Variants in ZNF83 observed in about 807,000 individuals in gnomAD.
ZNF83 encodes the protein zinc finger protein 816B.
For synonymous variants in ZNF83, 209 were observed against 213.0 expected, an observed-to-expected ratio of 0.98 and a Z score of 0.17; for missense variants, 552 against 629.9, an observed-to-expected ratio of 0.88 and a Z score of 1.32.
chr19:52,687,554 GTAAATTTTATATATATA>G (rs2062052606), intron 1 of ZNF83, among the ~76,000 whole-genome samples: 1 of 20,930 alleles, frequency 4.8e-5, no homozygotes, highest in Admixed American at 4.1e-4. Flanking sequence ...AATTATATGT[GTAAATTTTATATATATA>G]TAAATTTTAT....
At chr19:52,676,821 C>A (rs28357119) in intron 1 of ZNF83, among the ~76,000 whole-genome samples, 33,866 of 130,022 alleles carry the variant, frequency 0.26, 4,820 homozygotes, top group Non-Finnish European at 0.29. Flanking sequence ...TGATCTGTGA[C>A]CTTACCCCCA....
At chr19:52,628,995 A>C (rs1004841911) in intron 2 of ZNF83, among the ~76,000 whole-genome samples, 2 of 148,034 alleles carry the variant, frequency 1.4e-5, no homozygotes, top group Admixed American at 6.7e-5. Context: ...CCGTGTCTCT[A>C]CTCTCTTTTC....
intron 2 of ZNF83, among the ~76,000 whole-genome samples, chr19:52,620,714 T>C (rs1381955127): frequency 6.6e-6 from 1 of 152,222 alleles, no homozygotes; most frequent in African/African-American, 2.4e-5. Flanking sequence ...TCTGCACGTA[T>C]ACATCCAGAT....
Position 52,670,104 on chromosome 19 carries a change from C to G in ZNF83, c.-282-9261G>C, listed in dbSNP as rs2061704025. 7.2e-5 allele frequency among the ~76,000 whole-genome samples: 11 copies of G among 152,122 alleles called. 1 individual carries two copies. Among genetic ancestry groups the G allele is most frequent in the Admixed American group, 7.2e-4 (11 of 15,280 alleles). On this transcript the variant is annotated intron_variant, in intron 1 of 5. Coordinates refer to the ZNF83 transcript ENST00000594682. ...TTCGATCACCTGCTCCACCCTGACT[C>G]ATTCCAATCACCTGCTCCACCTTGA...
At chr19:52,630,907 G>A (rs2060932010) in intron 2 of ZNF83, among the ~76,000 whole-genome samples, 1 of 151,858 alleles carries the variant, frequency 6.6e-6, no homozygotes, top group African/African-American at 2.4e-5. Flanking sequence ...GGTTAGTTCA[G>A]GATCTGCACC....
At chr19:52,675,516 C>G (rs1006806407) in intron 1 of ZNF83, among the ~76,000 whole-genome samples, 4 of 152,096 alleles carry the variant, frequency 2.6e-5, no homozygotes, top group Non-Finnish European at 5.9e-5. Flanking sequence ...CCTGCACACA[C>G]TGATTTAAGC....
intron 1 of ZNF83, among the ~76,000 whole-genome samples, chr19:52,669,208 G>A (rs2061692025): frequency 6.6e-6 from 1 of 152,130 alleles, no homozygotes; most frequent in South Asian, 2.1e-4. Context: ...ATCAACCAGA[G>A]AAAGGAAAAA....
chr19:52,684,415 G>A (rs1287242183), intron 1 of ZNF83, among the ~76,000 whole-genome samples: 1 of 151,810 alleles, frequency 6.6e-6, no homozygotes, highest in Non-Finnish European at 1.5e-5. Flanking sequence ...CAGGTGTGGT[G>A]GCACACCCCT....
At chr19:52,643,816 G>A (rs899512184) in intron 3 of ZNF83, among the ~76,000 whole-genome samples, 2 of 152,230 alleles carry the variant, frequency 1.3e-5, no homozygotes, top group Admixed American at 6.5e-5. Context: ...TGAAGGAGGA[G>A]AAAGGGACAG....
chr19:52,625,599 G>C (rs545845401), intron 2 of ZNF83, among the ~76,000 whole-genome samples: 3 of 152,226 alleles, frequency 2.0e-5, no homozygotes, highest in Admixed American at 6.5e-5. Context: ...TTCCAGCTCC[G>C]TATTACAGAC....
At chr19:52,653,683 C>A (rs560037339) in intron 3 of ZNF83, among the ~76,000 whole-genome samples, 1 of 152,130 alleles carries the variant, frequency 6.6e-6, no homozygotes, top group Non-Finnish European at 1.5e-5. Context: ...TCTATGATGG[C>A]GTGTAAGAGA....
At chr19:52,627,285 T>C (rs1431779831) in intron 2 of ZNF83, among the ~76,000 whole-genome samples, 4 of 152,184 alleles carry the variant, frequency 2.6e-5, no homozygotes, top group Middle Eastern at 3.4e-3. Flanking sequence ...AAAGCCTATT[T>C]GGTGGTCTCT....
chr19:52,619,626 C>CAAA (rs34008173), intron 2 of ZNF83, among the ~76,000 whole-genome samples: 1 of 111,914 alleles, frequency 8.9e-6, no homozygotes, highest in Admixed American at 9.4e-5. Context: ...ACTCCATCTC[C>CAAA]AAAAAAAAAA....
At chr19:52,639,571 C>T (rs2061267753), upstream of ZNF83, among the ~76,000 whole-genome samples, 2 of 151,596 alleles carry the variant, frequency 1.3e-5, no homozygotes, top group Admixed American at 1.3e-4. Context: ...ACGCGCACAA[C>T]CATGCCCGGC....
chr19:52,634,512 A>G (rs2061081141), intron 2 of ZNF83, among the ~76,000 whole-genome samples: 1 of 152,232 alleles, frequency 6.6e-6, no homozygotes. Context: ...ATGATGGAAT[A>G]AAACACCTTG....
intron 2 of ZNF83, among the ~76,000 whole-genome samples, chr19:52,621,511 A>G (rs372553348): frequency 2.6e-4 from 40 of 152,266 alleles, no homozygotes; most frequent in East Asian, 1.4e-3. Context: ...GACTTGTTCA[A>G]TCACCACAGG....
chr19:52,646,392 C>T (rs1349320978), intron 3 of ZNF83, among the ~76,000 whole-genome samples: 1 of 151,962 alleles, frequency 6.6e-6, no homozygotes, highest in Non-Finnish European at 1.5e-5. Flanking sequence ...ACAACAACAA[C>T]AACAAAACTA....
At chr19:52,662,067 C>A (rs1568570633) in intron 1 of ZNF83, among the ~76,000 whole-genome samples, 1 of 152,050 alleles carries the variant, frequency 6.6e-6, no homozygotes, top group Admixed American at 6.6e-5. Flanking sequence ...GAGCACAGAT[C>A]CATAGGGATG....
intron 2 of ZNF83, among the ~76,000 whole-genome samples, chr19:52,621,384 G>C (rs2147099729): frequency 6.6e-6 from 1 of 152,292 alleles, no homozygotes; most frequent in East Asian, 1.9e-4. Flanking sequence ...AGACAGAGGA[G>C]ACATGTTTTA....
Sources: allele counts gnomAD v4.1 joint callset (sites outside exome capture counted in the v4.1 genomes callset), GRCh38; gene constraint gnomAD v4.1.1; transcripts MANE v1.5; gene names NCBI Gene and HGNC (gene_info 2026-07-23, HGNC 2026-07-21).